The following PKD1 variants were observed in gnomAD, a reference collection of about 807,000 sequenced individuals.
PKD1 encodes polycystin-1.
Under a neutral mutation model 361.7 loss-of-function variants are expected in PKD1, and 81 were observed. The ratio of observed to expected loss-of-function variants is 0.22; its 90% CI spans 0.19 to 0.27. The LOEUF is 0.27. Among genes scored for constraint, PKD1 ranks in the 10% least tolerant of loss-of-function variants. PKD1 has a pLI of 1.00. For synonymous variants in PKD1, 3,615 were observed against 2,818.3 expected (o/e 1.28, Z -8.95); for missense variants, 6,399 against 6,118.3 (o/e 1.05, Z -1.53).
rs2151668748 is a variant in PKD1 at position 2,089,525 on chromosome 16, C to A, written c.*202G>T. On this transcript the variant is annotated 3_prime_UTR_variant, in exon 46 of 46. Transcript: ENST00000262304. ...TACTGCTGTGTCCTTCCCAAGGGAG[C>A]TGGGGAGGGGACCCTGGGTCCTGGT... is the stretch of plus-strand genomic sequence containing the variant. 4.8e-6 allele frequency: 3 copies of A among 625,706 alleles called. No individual in the cohort carries two copies. The East Asian group carries it at 8.3e-5, about 17-fold the overall frequency. The allele number at this position is 625,706 out of a possible 1,614,324, so 38.8% of individuals were successfully genotyped here. A position where few individuals can be genotyped will look rare whatever the true frequency, so the allele number is the denominator to read the frequency against.
At chr16:2,132,250 CAAA>C (rs1242007495) in intron 1 of PKD1, among the ~76,000 whole-genome samples, 3 of 108,620 alleles carry the variant, frequency 2.8e-5, no homozygotes, top group Non-Finnish European at 3.9e-5. Context: ...AACTCCGTCT[CAAA>C]AAAAAAAAAA....
intron 1 of PKD1, among the ~76,000 whole-genome samples, chr16:2,130,290 A>G (rs71385748): frequency 1.3e-5 from 2 of 152,150 alleles, no homozygotes; most frequent in African/African-American, 2.4e-5. Flanking sequence ...TAGAAGACAC[A>G]GGCCTCTCCT....
chr16:2,114,920 G>A lies in PKD1; in HGVS notation c.2103C>T (p.Thr701=), dbSNP rs1349833046. The A allele has an allele frequency of 3.9e-6, 6 of 1,530,392 alleles. No homozygotes were observed. The highest frequency in any genetic ancestry group is 1.9e-5 in the Admixed American group (1 of 51,388). The allele number at this position is 1,530,392 out of a possible 1,614,324, so 94.8% of individuals were successfully genotyped here. ...GCATGAGGACATCCTGGCCGTGGAGGGTGACCTGTGGAGAGGGAGGCAGGG... is the reference window on the plus strand; with the variant it reads ...GCATGAGGACATCCTGGCCGTGGAGAGTGACCTGTGGAGAGGGAGGCAGGG... The part of the protein sequence containing the change: ...PAGPPAQYSV[T]LHGQDVLMLP... Residue 701 remains threonine (T), a synonymous_variant, in exon 11 of 46, where the codon ACC becomes ACT. Transcript: ENST00000262304.
chr16:2,131,647 C>A (rs2092881421), intron 1 of PKD1, among the ~76,000 whole-genome samples: 1 of 151,346 alleles, frequency 6.6e-6, no homozygotes, highest in Non-Finnish European at 1.5e-5. Flanking sequence ...GGTGAAACCC[C>A]ATCTCTACTA....
Position 2,093,257 on chromosome 16 carries a change from C to T in PKD1, c.11017-164G>A, listed in dbSNP as rs547587072. ...CTGGCCAGGGTAATGGCAGCACACACCCTGCCCGGAACCCCACCTGGGGGC... is the reference window on the plus strand; with the variant it reads ...CTGGCCAGGGTAATGGCAGCACACATCCTGCCCGGAACCCCACCTGGGGGC... On this transcript the variant is annotated intron_variant, in intron 37 of 45. Coordinates refer to ENST00000262304, the MANE Select transcript of PKD1 (RefSeq NM_001009944.3). The T allele has an allele frequency of 6.0e-4, 493 of 828,552 alleles. 3 individuals are homozygous for T. The highest frequency in any genetic ancestry group is 4.6e-3 in the South Asian group (292 of 63,712). The allele number at this position is 828,552 out of a possible 1,614,324, so 51.3% of individuals were successfully genotyped here. A position where few individuals can be genotyped will look rare whatever the true frequency, so the allele number is the denominator to read the frequency against.
Position 2,119,879 on chromosome 16 carries a change from G to C in PKD1, c.216-501C>G, listed in dbSNP as rs557051539. On this transcript the variant is annotated intron_variant, in intron 1 of 45. Transcript: ENST00000262304. ...ACTACCAGGCTACCAGGGAGCACAGGGGAGCAGGCGCCACCTCGAGGCATA... is the reference window on the plus strand; with the variant it reads ...ACTACCAGGCTACCAGGGAGCACAGCGGAGCAGGCGCCACCTCGAGGCATA... 34 of 700,400 alleles carry C rather than the reference G, an allele frequency of 4.9e-5. 1 individual carries two copies. The African/African-American group carries it at 5.4e-4, about 11-fold the overall frequency. 43.4% of individuals were successfully genotyped at this position (700,400 alleles called of 1,614,324 possible).
At position 2,109,143 on chromosome 16, in the gene PKD1, G is replaced by A; in HGVS notation, c.6024C>T (p.Phe2008=). The change falls in exon 15 of 46, where the codon TTC becomes TTT. Residue 2008 remains phenylalanine, a synonymous_variant. Coordinates refer to ENST00000262304, the MANE Select transcript of PKD1 (RefSeq NM_001009944.3). ...RGSRVAYAWY[F]SLQKVQGDSL... is the part of the protein sequence containing the mutation. ...AGTCGCCCTGGACCTTCTGCAGCGA[G>A]AAGTACCAGGCGTAGGCGACCCGAG... 3.7e-6 allele frequency: 6 copies of A among 1,602,534 alleles called. No homozygotes were observed. Among genetic ancestry groups the A allele is most frequent in the Non-Finnish European group, 3.4e-6 (4 of 1,174,408 alleles).
intron 42 of PKD1, 120 bp downstream of exon 42, chr16:2,091,303 G>A (rs575010205): frequency 1.4e-5 from 6 of 421,892 alleles, no homozygotes; most frequent in East Asian, 1.6e-4. Context: ...CCTGCGAGGG[G>A]GCGGGACGCT....
At chr16:2,115,788 G>A (rs1413421723) in intron 9 of PKD1, among the ~76,000 whole-genome samples, 163 bp from the exon 10 acceptor site, 1 of 152,160 alleles carries the variant, frequency 6.6e-6, no homozygotes, top group Non-Finnish European at 1.5e-5. Flanking sequence ...CCAGCCGACT[G>A]ACCCAGGCCG....
rs1567216472 is a variant in PKD1, at chr16:2,117,588, C to A, written c.1286G>T (p.Trp429Leu). The change falls in exon 6 of 46, where the codon TGG becomes TTG. Residue 429 changes from tryptophan to leucine, a missense_variant. By Grantham distance (61) the Trp-to-Leu change is moderately conservative. Coordinates refer to ENST00000262304, the MANE Select transcript of PKD1 (RefSeq NM_001009944.3). ...CTGACACTGCTCCTGCGCCTGCAGCCAGGCCGCCTTCTCCACCACCAGGCG... is the reference window on the plus strand; with the variant it reads ...CTGACACTGCTCCTGCGCCTGCAGCAAGGCCGCCTTCTCCACCACCAGGCG... Reference protein sequence around the residue: ...CYRLVVEKAAWLQAQEQCQAW... With the variant: ...CYRLVVEKAALLQAQEQCQAW... The A allele has an allele frequency of 6.2e-7, 1 of 1,609,472 alleles. No homozygotes were observed. Among genetic ancestry groups the A allele is most frequent in the Non-Finnish European group, 8.5e-7 (1 of 1,179,114 alleles).
intron 1 of PKD1, among the ~76,000 whole-genome samples, chr16:2,124,615 T>C (rs1374558106): frequency 6.6e-6 from 1 of 152,166 alleles, no homozygotes; most frequent in Admixed American, 6.5e-5. Flanking sequence ...CCTCAGAGTC[T>C]CACACTCAGA....
At chr16:2,093,284 G>A in intron 37 of PKD1, 191 bp from the exon 38 acceptor site, 1 of 723,278 alleles carries the variant, frequency 1.4e-6, no homozygotes, top group Non-Finnish European at 2.3e-6. Flanking sequence ...CCTGGGGGCA[G>A]ACACACAGGC....
chr16:2,126,779 T>C (rs1196071724), intron 1 of PKD1, among the ~76,000 whole-genome samples: 1 of 152,238 alleles, frequency 6.6e-6, no homozygotes, highest in Non-Finnish European at 1.5e-5. Flanking sequence ...AGTATATTCC[T>C]TGCTGGAAAG....
chr16:2,104,679 C>A (rs1473005570), intron 21 of PKD1, 37 bp from the exon 22 acceptor site: 1 of 1,283,074 alleles, frequency 7.8e-7, no homozygotes, highest in East Asian at 2.4e-5. Flanking sequence ...CCGCTCCTGG[C>A]CCCACTCCTT....
In PKD1 at chr16:2,108,240, C is replaced by T. The variant is rs780547337; in HGVS notation, c.6915+12G>A. The T allele has an allele frequency of 5.0e-6, 8 of 1,592,176 alleles. No homozygotes were observed. Among genetic ancestry groups the T allele is most frequent in the Non-Finnish European group, 5.1e-6 (6 of 1,166,270 alleles). ...GTGAGGGGCATGGAGGACGGCCCTG[C>T]CACGCACTGACCTGTGTCGAAGCCA... On this transcript the variant is annotated intron_variant, in intron 15 of 45. Transcript: ENST00000262304.
Position 2,115,400 on chromosome 16 carries a change from G to A in PKD1, c.2075C>T (p.Ala692Val), listed in dbSNP as rs752224006. The change falls in exon 10 of 46, where the codon GCG becomes GTG. Residue 692 changes from alanine (A) to valine (V), a missense_variant. Transcript: ENST00000262304. ...LWREFLFSVP[A>V]GPPAQYSVTL... The stretch of plus-strand genomic sequence containing the variant: ...CACCGAGTACTGCGCGGGGGGCCCC[G>A]CGGGAACGGAGAAGAGGAACTCTCT... 1.7e-5 allele frequency: 27 copies of A among 1,563,474 alleles called. No individual in the cohort carries two copies. The highest frequency in any genetic ancestry group is 2.7e-5 in the African/African-American group (2 of 73,746).
rs747848725 is a variant in PKD1 at position 2,111,545 on chromosome 16, C to T, written c.3622G>A (p.Val1208Ile). 41 of 1,594,038 alleles carry T rather than the reference C, an allele frequency of 2.6e-5. No homozygotes were observed. The highest frequency in any genetic ancestry group is 3.2e-5 in the Non-Finnish European group (38 of 1,171,388). The stretch of plus-strand genomic sequence containing the variant: ...CTGAGTCCGCGGAGCTCCTCAAAGA[C>T]GCGCACATCCGCCTGGGCCGCCGCA... ...SGAAAQADVRVFEELRGLSVD... is the reference protein window; with the variant it reads ...SGAAAQADVRIFEELRGLSVD... Residue 1208 changes from valine (V) to isoleucine (I), a missense_variant, in exon 15 of 46, where the codon GTC (valine) becomes ATC (isoleucine). Physicochemically the swap from Val to Ile is conservative, Grantham distance 29. Transcript: ENST00000262304.
rs142768096 is a variant in PKD1 at position 2,090,717 on chromosome 16, C to T, written c.12095G>A (p.Gly4032Asp). ...GTAGGCTACCCCGAGCACCACCAGGCCCAAGGTGACCCCCAGGAGCTCTGG... is the reference window on the plus strand; with the variant it reads ...GTAGGCTACCCCGAGCACCACCAGGTCCAAGGTGACCCCCAGGAGCTCTGG... ...ALPELLGVTL[G>D]LVVLGVAYAQ... The change falls in exon 44 of 46, where the codon GGC (glycine) becomes GAC (aspartate). Residue 4032 changes from glycine to aspartate, a missense_variant. Coordinates refer to ENST00000262304, the MANE Select transcript of PKD1 (RefSeq NM_001009944.3). The T allele has an allele frequency of 1.3e-4, 208 of 1,612,416 alleles. No individual in the cohort carries two copies. Among genetic ancestry groups the T allele is most frequent in the Non-Finnish European group, 1.6e-4 (188 of 1,179,966 alleles).
chr16:2,091,869 C>T lies in PKD1; in HGVS notation c.11449G>A (p.Gly3817Arg). The T allele has an allele frequency of 1.9e-6, 3 of 1,611,054 alleles. No homozygotes were observed. Among genetic ancestry groups the T allele is most frequent in the Non-Finnish European group, 2.5e-6 (3 of 1,179,440 alleles). ...SWGSCAVYDS[G>R]GYVQELGLSL... ...AGGCCCAGCTCCTGCACGTAGCCCC[C>T]GCTGTCATACACGGCACAGGAGCCC... The change falls in exon 41 of 46, where the codon GGG (glycine) becomes AGG (arginine). Residue 3817 changes from glycine (G) to arginine (R), a missense_variant. Gly to Arg is a moderately radical substitution (Grantham distance 125). Coordinates refer to ENST00000262304, the MANE Select transcript of PKD1 (RefSeq NM_001009944.3).
Sources: gnomAD v4.1 joint callset for allele counts (sites outside exome capture counted in the v4.1 genomes callset) on GRCh38, gnomAD v4.1.1 for gene constraint, MANE v1.5 for transcripts, NCBI Gene and HGNC (gene_info 2026-07-23, HGNC 2026-07-21) for gene names.